Variants in ROCK2 observed in about 807,000 individuals in gnomAD.
ROCK2 encodes rho-associated protein kinase 2.
Under a neutral mutation model 195.1 loss-of-function variants are expected in ROCK2, and 61 were observed. The observed-to-expected ratio is 0.31, with a 90% CI of 0.25 to 0.39. ROCK2 has a LOEUF of 0.39. ROCK2 is among the 10% of genes least tolerant of loss of function. The probability of loss-of-function intolerance (pLI) is 1.00; values close to 1 mark genes in which losing one functional copy is unlikely to be tolerated. For missense variants in ROCK2, 1,109 were observed against 1,637.4 expected, an observed-to-expected ratio of 0.68 and a Z score of 5.57; for synonymous variants, 504 against 545.5, an observed-to-expected ratio of 0.92 and a Z score of 1.06.
chr2:11,316,212 G>A (rs1203900164), intron 1 of ROCK2, among the ~76,000 whole-genome samples: 4 of 152,074 alleles, frequency 2.6e-5, no homozygotes, highest in African/African-American at 7.2e-5. Context: ...TAAATACTAC[G>A]TATATCCAGT....
rs777252585 is a variant in ROCK2 at position 11,193,751 on chromosome 2, A to G, written c.3687+28T>C. The G allele has an allele frequency of 7.9e-6, 11 of 1,393,636 alleles. No homozygotes were observed. In the Admixed American group the frequency reaches 2.2e-4, roughly 28 times the overall value. 86.3% of individuals were successfully genotyped at this position (1,393,636 alleles called of 1,614,324 possible). ...TGAAAAAAACAAAACAAAGCCAACCAACCAAATATAAACAAAACTATGTTT... is the reference window on the plus strand; with the variant it reads ...TGAAAAAAACAAAACAAAGCCAACCGACCAAATATAAACAAAACTATGTTT... On this transcript the variant is annotated intron_variant, in intron 30 of 32. Coordinates refer to ENST00000315872, the MANE Select transcript of ROCK2 (RefSeq NM_004850.5).
At chr2:11,228,819 C>T (rs887551264) in intron 5 of ROCK2, among the ~76,000 whole-genome samples, 2 of 151,768 alleles carry the variant, frequency 1.3e-5, no homozygotes, top group Admixed American at 6.6e-5. Context: ...AATTACTTAG[C>T]ATTCAAAGGT....
At chr2:11,299,469 G>A (rs1422226751) in intron 1 of ROCK2, among the ~76,000 whole-genome samples, 1 of 151,908 alleles carries the variant, frequency 6.6e-6, no homozygotes, top group Non-Finnish European at 1.5e-5. Context: ...ATCACATTAG[G>A]AAATTAACAT....
At chr2:11,330,749 GAGGAGGA>G (rs1558399625) in intron 1 of ROCK2, among the ~76,000 whole-genome samples, 2 of 57,176 alleles carry the variant, frequency 3.5e-5, no homozygotes, top group Non-Finnish European at 4.2e-5. Context: ...AGGGAGGAGG[GAGGAGGA>G]GGAGGGAGGA....
intron 4 of ROCK2, among the ~76,000 whole-genome samples, chr2:11,238,302 A>G (rs1033627422): frequency 6.6e-6 from 1 of 150,710 alleles, no homozygotes; most frequent in Admixed American, 6.6e-5. Context: ...AAAATAAATG[A>G]AGAGACCACC....
At chr2:11,317,684 T>C (rs1668267148) in intron 1 of ROCK2, among the ~76,000 whole-genome samples, 1 of 144,764 alleles carries the variant, frequency 6.9e-6, no homozygotes, top group Non-Finnish European at 1.5e-5. Flanking sequence ...GTTACATATG[T>C]ATACATGTGC....
At chr2:11,298,267 C>T (rs1261770258) in intron 1 of ROCK2, among the ~76,000 whole-genome samples, 1 of 151,900 alleles carries the variant, frequency 6.6e-6, no homozygotes, top group East Asian at 1.9e-4. Flanking sequence ...GTCAGGAGTT[C>T]GAGACCAGCC....
chr2:11,313,018 A>C (rs1366618479), intron 1 of ROCK2, among the ~76,000 whole-genome samples: 1 of 152,072 alleles, frequency 6.6e-6, no homozygotes, highest in Non-Finnish European at 1.5e-5. Flanking sequence ...TAGGACAGTA[A>C]AACTCTTTTG....
In ROCK2 at chr2:11,216,212, G is replaced by T. The variant is rs1411675323; in HGVS notation, c.1413-6C>A. 1 of 1,598,542 alleles carries T rather than the reference G, an allele frequency of 6.3e-7. No homozygotes were observed. The highest frequency in any genetic ancestry group is 8.6e-7 in the Non-Finnish European group (1 of 1,166,838). On this transcript the variant is annotated splice_polypyrimidine_tract_variant and splice_region_variant and intron_variant, in intron 12 of 32. Coordinates refer to ENST00000315872, the MANE Select transcript of ROCK2 (RefSeq NM_004850.5). ...CTAGGCGAGTATTAACAGATCTAAA[G>T]AATTTCAGAAAGAAACAGTAAATAA... is the stretch of plus-strand genomic sequence containing the variant.
chr2:11,301,793 A>T (rs1285914537), intron 1 of ROCK2, among the ~76,000 whole-genome samples: 1 of 151,994 alleles, frequency 6.6e-6, no homozygotes, highest in Non-Finnish European at 1.5e-5. Context: ...AAAAAAAAAA[A>T]AAAATCTTAC....
chr2:11,332,433 CA>C (rs1229132556), intron 1 of ROCK2, among the ~76,000 whole-genome samples: 4 of 152,092 alleles, frequency 2.6e-5, no homozygotes, highest in Non-Finnish European at 5.9e-5. Flanking sequence ...AGCATAAAAA[CA>C]AAAACAACTT....
chr2:11,211,175 T>C (rs1484437705), intron 18 of ROCK2, among the ~76,000 whole-genome samples: 1 of 152,198 alleles, frequency 6.6e-6, no homozygotes, highest in African/African-American at 2.4e-5. Context: ...CAAATCTGGC[T>C]AGTATCTTCA....
At chr2:11,297,646 G>A (rs62118010) in intron 1 of ROCK2, among the ~76,000 whole-genome samples, 15,371 of 151,988 alleles carry the variant, frequency 0.1, 1,086 homozygotes, top group Middle Eastern at 0.22. Flanking sequence ...CAAGAACAAG[G>A]TAGGTCTCTC....
intron 4 of ROCK2, among the ~76,000 whole-genome samples, chr2:11,243,650 A>G (rs770816914): frequency 6.6e-6 from 1 of 152,178 alleles, no homozygotes; most frequent in Non-Finnish European, 1.5e-5. Flanking sequence ...TCCACATCCT[A>G]CAGTATAATT....
intron 23 of ROCK2, among the ~76,000 whole-genome samples, chr2:11,199,877 T>C (rs1350976590): frequency 6.6e-6 from 1 of 152,236 alleles, no homozygotes; most frequent in African/African-American, 2.4e-5. Flanking sequence ...GACTGCATTA[T>C]GTGAATGCCT....
intron 17 of ROCK2, 68 bp from the exon 18 acceptor site, chr2:11,211,908 A>AT (rs376149202): frequency 0.12 from 114,982 of 990,746 alleles, 13 homozygotes; most frequent in Non-Finnish European, 0.12. Context: ...AAGCTTTCTA[A>AT]TTTTTTTTTT....
chr2:11,320,188 A>G (rs1224818849), intron 1 of ROCK2, among the ~76,000 whole-genome samples: 1 of 152,204 alleles, frequency 6.6e-6, no homozygotes, highest in Non-Finnish European at 1.5e-5. Flanking sequence ...TCATGTGGCT[A>G]ATCACACACA....
chr2:11,279,724 A>C (rs1666937451), intron 3 of ROCK2, among the ~76,000 whole-genome samples: 1 of 152,222 alleles, frequency 6.6e-6, no homozygotes, highest in Non-Finnish European at 1.5e-5. Context: ...ACAACAGCAG[A>C]ATACACATTT....
intron 17 of ROCK2, among the ~76,000 whole-genome samples, chr2:11,213,528 G>A (rs1436717296): frequency 2.0e-5 from 3 of 150,468 alleles, no homozygotes; most frequent in African/African-American, 7.3e-5. Flanking sequence ...ATCACAGCAG[G>A]GCTGAACAGT....
Sources: allele counts gnomAD v4.1 joint callset (sites outside exome capture counted in the v4.1 genomes callset), GRCh38; gene constraint gnomAD v4.1.1; transcripts MANE v1.5; gene names NCBI Gene and HGNC (gene_info 2026-07-23, HGNC 2026-07-21).